RAVER1: variants seen among roughly 807,000 people sequenced by gnomAD.
The protein encoded by RAVER1 is ribonucleoprotein PTB-binding 1.
RAVER1 carries 36 observed loss-of-function variants against 68.4 expected under a neutral mutation model. The observed-to-expected ratio is 0.53, with a 90% CI of 0.40 to 0.70. The LOEUF (loss-of-function observed/expected upper bound fraction) is 0.70. RAVER1 is among the 30% of genes least tolerant of loss of function. The pLI is 0.00. For synonymous variants in RAVER1, 469 were observed against 472.7 expected (o/e 0.99, Z 0.10); for missense variants, 933 against 1,019.8 (o/e 0.91, Z 1.16).
At chr19:10,324,965 C>T (rs1233791706) in intron 3 of RAVER1, among the ~76,000 whole-genome samples, 3 of 152,044 alleles carry the variant, frequency 2.0e-5, no homozygotes, top group Non-Finnish European at 2.9e-5. Context: ...GCAGGAGGAT[C>T]GTTTGAGCAC....
In RAVER1 at chr19:10,321,079, T is replaced by C. The variant is rs770864207; in HGVS notation, c.1442A>G (p.Lys481Arg). The change falls in exon 8 of 13, where the codon AAA becomes AGA. Residue 481 changes from lysine (K) to arginine (R), a missense_variant. Around this residue, in one of 3 missense-constraint regions of RAVER1, gnomAD observed 699 missense variants for 731.1 expected, o/e 0.96. Coordinates refer to ENST00000617231, the MANE Select transcript of RAVER1 (RefSeq NM_133452.3). ...GGGCGTCGGCAGAGGCCCACTGTCT[T>C]TCTGGAGGCCTCTGAGGCCAGAGCC... The part of the protein sequence containing the change: ...LRGSGLRGLQ[K>R]DSGPLPTPPG... 4.8e-5 allele frequency: 65 copies of C among 1,356,548 alleles called. No homozygotes were observed. The highest frequency in any genetic ancestry group is 6.6e-6 in the Non-Finnish European group (7 of 1,056,246). The allele number at this position is 1,356,548 out of a possible 1,614,324, so 84.0% of individuals were successfully genotyped here.
rs753372879 is a variant in RAVER1, at chr19:10,333,258, C to T, written c.219+31G>A. On this transcript the variant is annotated intron_variant, in intron 1 of 12. Transcript: ENST00000617231. This position sits in a 1 kb window ranked among gnomAD's most constrained non-coding sequence, Gnocchi z 4.2. ...CGCGCACGCGCACCGTGGTATTTCCCGCCACGCTCCTACACCGCCCCCCCC... is the reference window on the plus strand; with the variant it reads ...CGCGCACGCGCACCGTGGTATTTCCTGCCACGCTCCTACACCGCCCCCCCC... The T allele has an allele frequency of 3.2e-6, 5 of 1,585,202 alleles. No individual in the cohort carries two copies. Among genetic ancestry groups the T allele is most frequent in the Admixed American group, 3.5e-5 (2 of 57,206 alleles).
In RAVER1 at chr19:10,329,619, C is replaced by A. The variant is rs2040499570; in HGVS notation, c.287-508G>T. Among the ~76,000 whole-genome samples the A allele has an allele frequency of 6.6e-6, 1 of 152,162 alleles. No individual in the cohort carries two copies. The highest frequency in any genetic ancestry group is 2.4e-5 in the African/African-American group (1 of 41,430). ...AACCCAGGCAGCCGGACTCCAGAGG[C>A]CCACTCTACACACTGCCCACCCCTG... On this transcript the variant is annotated intron_variant, in intron 2 of 12. Coordinates refer to ENST00000617231, the MANE Select transcript of RAVER1 (RefSeq NM_133452.3). This position sits in a 1 kb window ranked among gnomAD's most constrained non-coding sequence, Gnocchi z 4.6.
intron 8 of RAVER1, 33 bp downstream of exon 8, chr19:10,321,015 T>G: frequency 6.8e-7 from 1 of 1,471,522 alleles, no homozygotes; most frequent in Non-Finnish European, 9.0e-7. Flanking sequence ...AACAGGAGGC[T>G]GGTGTGGTGC....
chr19:10,321,829 C>A, intron 6 of RAVER1: 1 of 379,992 alleles, frequency 2.6e-6, no homozygotes, highest in Non-Finnish European at 4.7e-6. Context: ...GCTCCAGGCC[C>A]CAGTTCCCTG....
In RAVER1 at chr19:10,329,235, G is replaced by A; in HGVS notation, c.287-124C>T. 1.6e-6 allele frequency: 1 copy of A among 643,630 alleles called. No individual in the cohort carries two copies. The highest frequency in any genetic ancestry group is 2.8e-5 in the East Asian group (1 of 35,218). 39.9% of individuals were successfully genotyped at this position (643,630 alleles called of 1,614,324 possible). A position where few individuals can be genotyped will look rare whatever the true frequency, so the allele number is the denominator to read the frequency against. ...GCATCTCAGGTGCCTGCTGATCTGA[G>A]CAGTTGCCAGCCTTGGCGACTCACA... On this transcript the variant is annotated intron_variant, in intron 2 of 12. Coordinates refer to ENST00000617231, the MANE Select transcript of RAVER1 (RefSeq NM_133452.3). The surrounding 1 kb of genome is among the most constrained non-coding windows in gnomAD (Gnocchi z 4.6).
Position 10,317,561 on chromosome 19 carries a change from G to C in RAVER1, c.2113C>G (p.Leu705Val). ...TCTGGGCTGGGCTCGGGCGAGGGCA[G>C]CAGGTGGGCAAAGCTGCGTTTCTGG... The part of the protein sequence containing the change: ...GGQKRSFAHL[L>V]PSPEPSPEGS... The change falls in exon 13 of 13, where the codon CTG becomes GTG. Residue 705 changes from leucine to valine, a missense_variant. This residue lies in a region of RAVER1 where 699 missense variants were observed against 731.1 expected (regional missense o/e 0.96). Coordinates refer to ENST00000617231, the MANE Select transcript of RAVER1 (RefSeq NM_133452.3). This position sits in a 1 kb window ranked among gnomAD's most constrained non-coding sequence, Gnocchi z 4.3. 6.2e-7 allele frequency: 1 copy of C among 1,612,488 alleles called. No individual in the cohort carries two copies. Among genetic ancestry groups the C allele is most frequent in the Non-Finnish European group, 8.5e-7 (1 of 1,179,434 alleles).
chr19:10,330,789 C>A (rs565563291), intron 1 of RAVER1, among the ~76,000 whole-genome samples: 1 of 152,178 alleles, frequency 6.6e-6, no homozygotes, highest in African/African-American at 2.4e-5. Context: ...GCTGGCTGGG[C>A]GGGGTGGCTC....
Position 10,320,704 on chromosome 19 carries a change from A to G in RAVER1, c.1721T>C (p.Leu574Pro), listed in dbSNP as rs546972477. The change falls in exon 9 of 13, where the codon CTG (leucine) becomes CCG (proline). Residue 574 changes from leucine to proline, a missense_variant. Leu to Pro is a moderately conservative substitution (Grantham distance 98, BLOSUM62 -3). Coordinates refer to ENST00000617231, the MANE Select transcript of RAVER1 (RefSeq NM_133452.3). ...GTCAGACAGTCCTGGTTCGGGGGGC[A>G]GGCGGGCGCTGCTGAGGGGGCTGAG... is the stretch of plus-strand genomic sequence containing the variant. The part of the protein sequence containing the change: ...RLLSPLSSAR[L>P]PPEPGLSDSY... The G allele has an allele frequency of 7.8e-6, 12 of 1,532,712 alleles. No homozygotes were observed. The East Asian group carries it at 2.0e-4, about 25-fold the overall frequency. The allele number at this position is 1,532,712 out of a possible 1,614,324, so 94.9% of individuals were successfully genotyped here. A position where few individuals can be genotyped will look rare whatever the true frequency, so the allele number is the denominator to read the frequency against.
chr19:10,331,390 C>A (rs975710909), intron 1 of RAVER1, among the ~76,000 whole-genome samples: 982 of 31,088 alleles, frequency 0.032, 9 homozygotes, highest in African/African-American at 0.036. Context: ...AAAATAACAA[C>A]AACAAAAAAA....
chr19:10,319,267 G>C, intron 9 of RAVER1, 27 bp from the exon 10 acceptor site: 1 of 1,610,320 alleles, frequency 6.2e-7, no homozygotes, highest in Non-Finnish European at 8.5e-7. Context: ...GAAGCACATT[G>C]GGTTGGAGTC....
At position 10,328,576 on chromosome 19, in the gene RAVER1, C is replaced by A; in HGVS notation, c.756+66G>T. ...AAAAAAAAAAAGAAAAGGCAGATGACTCCAAAGACTCTCTCAGGTGCTCCG... is the reference window on the plus strand; with the variant it reads ...AAAAAAAAAAAGAAAAGGCAGATGAATCCAAAGACTCTCTCAGGTGCTCCG... On this transcript the variant is annotated intron_variant, in intron 3 of 12. Transcript: ENST00000617231. This position sits in a 1 kb window ranked among gnomAD's most constrained non-coding sequence, Gnocchi z 4.4. 1 of 1,072,946 alleles carries A rather than the reference C, an allele frequency of 9.3e-7. No homozygotes were observed. The highest frequency in any genetic ancestry group is 1.3e-6 in the Non-Finnish European group (1 of 748,496). The allele number at this position is 1,072,946 out of a possible 1,614,324, so 66.5% of individuals were successfully genotyped here.
In RAVER1 at chr19:10,321,078, T is replaced by C; in HGVS notation, c.1443A>G (p.Lys481=). 1.5e-6 allele frequency: 2 copies of C among 1,356,422 alleles called. No homozygotes were observed. Among genetic ancestry groups the C allele is most frequent in the South Asian group, 2.0e-5 (1 of 49,308 alleles). The allele number at this position is 1,356,422 out of a possible 1,614,324, so 84.0% of individuals were successfully genotyped here. The change falls in exon 8 of 13, where the codon AAA becomes AAG. Residue 481 remains lysine (K), a synonymous_variant. Transcript: ENST00000617231. ...LRGSGLRGLQ[K]DSGPLPTPPG... ...GGGGCGTCGGCAGAGGCCCACTGTCTTTCTGGAGGCCTCTGAGGCCAGAGC... is the reference window on the plus strand; with the variant it reads ...GGGGCGTCGGCAGAGGCCCACTGTCCTTCTGGAGGCCTCTGAGGCCAGAGC...
At position 10,317,772 on chromosome 19, in the gene RAVER1, G is replaced by A. The variant is rs1410435224; in HGVS notation, c.1991C>T (p.Ala664Val). ...AGLKQSHLSK[A>V]IGSSPLGSGE... ...GGACCCCAGCGGGGAAGAGCCGATT[G>A]CCTGGGAGAAATGGAGAGGTGGAAC... is the stretch of plus-strand genomic sequence containing the variant. The change falls in exon 12 of 13, where the codon GCA (alanine) becomes GTA (valine). Residue 664 changes from alanine to valine, a missense_variant and splice_region_variant. Physicochemically the swap from Ala to Val is moderately conservative, Grantham distance 64. This residue lies in a region of RAVER1 where 699 missense variants were observed against 731.1 expected (regional missense o/e 0.96). Transcript: ENST00000617231. The surrounding 1 kb of genome is among the most constrained non-coding windows in gnomAD (Gnocchi z 4.3). The A allele has an allele frequency of 6.3e-7, 1 of 1,575,066 alleles. No homozygotes were observed. The highest frequency in any genetic ancestry group is 1.2e-5 in the South Asian group (1 of 86,882).
intron 9 of RAVER1, among the ~76,000 whole-genome samples, chr19:10,319,668 C>T (rs973197605): frequency 2.0e-5 from 3 of 151,732 alleles, no homozygotes; most frequent in Non-Finnish European, 2.9e-5. Context: ...CCACAACCTC[C>T]GCCTCCCAGG....
At chr19:10,327,234 G>T (rs2040482011) in intron 3 of RAVER1, among the ~76,000 whole-genome samples, 1 of 152,038 alleles carries the variant, frequency 6.6e-6, no homozygotes, top group Non-Finnish European at 1.5e-5. Flanking sequence ...CAAGCCCACA[G>T]AGCTGGGGGT....
At chr19:10,331,919 G>C (rs1326296341) in intron 1 of RAVER1, among the ~76,000 whole-genome samples, 1 of 152,134 alleles carries the variant, frequency 6.6e-6, no homozygotes, top group East Asian at 1.9e-4. Context: ...CTTCTAGTAA[G>C]CCCCACGTTG....
rs970144749 is a variant in RAVER1 at position 10,333,105 on chromosome 19, T to C, written c.219+184A>G. ...ACGCCCTCCCTCACTTCGCAGTCGG[T>C]TTCCCCTTTCATCATCGCCCCCCCA... is the stretch of plus-strand genomic sequence containing the variant. On this transcript the variant is annotated intron_variant, in intron 1 of 12. Transcript: ENST00000617231. The surrounding 1 kb of genome is among the most constrained non-coding windows in gnomAD (Gnocchi z 4.2). 1.3e-5 allele frequency among the ~76,000 whole-genome samples: 2 copies of C among 151,606 alleles called. No homozygotes were observed. The highest frequency in any genetic ancestry group is 4.9e-5 in the African/African-American group (2 of 41,226).
At position 10,324,865 on chromosome 19, in the gene RAVER1, C is replaced by T. The variant is rs115653938; in HGVS notation, c.757-1299G>A. Reference sequence around the variant, plus strand: ...GGCTCCTCGGAGGACATCACTTCAACGCCTGCTACTCATCAGATGCTCAAC... The same window carrying T: ...GGCTCCTCGGAGGACATCACTTCAATGCCTGCTACTCATCAGATGCTCAAC... On this transcript the variant is annotated intron_variant, in intron 3 of 12. Coordinates refer to ENST00000617231, the MANE Select transcript of RAVER1 (RefSeq NM_133452.3). 4.2e-3 allele frequency among the ~76,000 whole-genome samples: 632 copies of T among 152,278 alleles called. 1 individual carries two copies. The highest frequency in any genetic ancestry group is 7.6e-3 in the African/African-American group (315 of 41,562).
Sources: gnomAD v4.1 joint callset for allele counts (sites outside exome capture counted in the v4.1 genomes callset) on GRCh38, gnomAD v4.1.1 for gene constraint, gnomAD v4.1.1 regional missense constraint, Gnocchi (gnomAD v3.1) non-coding constraint, MANE v1.5 for transcripts, NCBI Gene and HGNC (gene_info 2026-07-23, HGNC 2026-07-21) for gene names.